Variants in CFDP1 observed in about 807,000 individuals in gnomAD.
CFDP1 encodes chromatin remodeling protein CFDP1, also known as heterochromatin-stabilizing protein CFDP1.
A neutral mutation model predicts 40.1 loss-of-function variants in CFDP1; 31 were observed. The ratio of observed to expected loss-of-function variants is 0.77; its 90% CI spans 0.58 to 1.04. CFDP1 has a LOEUF of 1.04. Ranked by LOEUF, CFDP1 falls within the 50% of genes least tolerant of loss-of-function variation. The pLI, the probability that CFDP1 is intolerant of heterozygous loss-of-function variation, is 0.00. For synonymous variants in CFDP1, 167 were observed against 120.0 expected (o/e 1.39, Z -2.56); for missense variants, 423 against 343.4 (o/e 1.23, Z -1.83).
intron 5 of CFDP1, among the ~76,000 whole-genome samples, chr16:75,316,282 GTATAA>G: frequency 6.6e-6 from 1 of 152,264 alleles, no homozygotes; most frequent in South Asian, 2.1e-4. Context: ...TGTAATTCAT[GTATAA>G]TATGTGAGAT....
At chr16:75,382,096 C>A (rs1376170585) in intron 5 of CFDP1, among the ~76,000 whole-genome samples, 1 of 144,576 alleles carries the variant, frequency 6.9e-6, no homozygotes, top group African/African-American at 2.6e-5. Flanking sequence ...GCCTGGGCAA[C>A]AGGAGTGAAA....
intron 5 of CFDP1, among the ~76,000 whole-genome samples, chr16:75,366,108 A>G (rs1445002610): frequency 6.6e-6 from 1 of 152,276 alleles, no homozygotes; most frequent in Non-Finnish European, 1.5e-5. Context: ...TTATTTAAAA[A>G]GCCAAAAAGT....
intron 5 of CFDP1, among the ~76,000 whole-genome samples, chr16:75,374,172 G>C (rs2078774271): frequency 6.6e-6 from 1 of 152,020 alleles, no homozygotes; most frequent in Non-Finnish European, 1.5e-5. Flanking sequence ...AGAATCACTT[G>C]AACCCTGGAG....
At chr16:75,429,578 G>A (rs778559082) in intron 1 of CFDP1, among the ~76,000 whole-genome samples, 1 of 152,176 alleles carries the variant, frequency 6.6e-6, no homozygotes, top group Admixed American at 6.5e-5. Flanking sequence ...GCTCAAACCC[G>A]GGAGGTGGAG....
chr16:75,373,811 AATTGTAATAAGC>A, intron 5 of CFDP1, among the ~76,000 whole-genome samples: 1 of 152,282 alleles, frequency 6.6e-6, no homozygotes. Flanking sequence ...TACTAATCCT[AATTGTAATAAGC>A]ATTTCCATTT....
At position 75,411,906 on chromosome 16, in the gene CFDP1, T is replaced by C. The variant is rs1238846091; in HGVS notation, c.449A>G (p.Lys150Arg). ...TTTAGGTTTCTCTAGCTCTTCTGCT[T>C]TTACCAACAATTTACTTGAACTTGT... ...EETSSSKLLV[K>R]AEELEKPKET... The change falls in exon 4 of 7, where the codon AAA becomes AGA. Residue 150 changes from lysine (K) to arginine (R), a missense_variant. Physicochemically the swap from Lys to Arg is conservative, Grantham distance 26 (BLOSUM62 2). Coordinates refer to ENST00000283882, the MANE Select transcript of CFDP1 (RefSeq NM_006324.3). The C allele has an allele frequency of 6.2e-7, 1 of 1,611,976 alleles. No individual in the cohort carries two copies. The highest frequency in any genetic ancestry group is 1.7e-5 in the Admixed American group (1 of 59,724).
At chr16:75,372,322 A>T (rs2078758461) in intron 5 of CFDP1, 1 of 152,210 alleles carries the variant, frequency 6.6e-6, no homozygotes, top group Non-Finnish European at 1.5e-5. Flanking sequence ...TATGGTTTTC[A>T]TATCTGTTCA....
intron 5 of CFDP1, among the ~76,000 whole-genome samples, chr16:75,366,426 C>T (rs1471526163): frequency 1.3e-5 from 2 of 152,092 alleles, no homozygotes; most frequent in African/African-American, 4.8e-5. Flanking sequence ...AGCTCAGTAT[C>T]AGCCTGGCCA....
intron 6 of CFDP1, among the ~76,000 whole-genome samples, chr16:75,297,248 GGCCTCAAGTAATCTGCCC>G (rs1216972900): frequency 1.3e-5 from 2 of 150,836 alleles, no homozygotes; most frequent in Non-Finnish European, 2.9e-5. Flanking sequence ...TTGAACTCCT[GGCCTCAAGTAATCTGCCC>G]GCCTCAGCCT....
intron 1 of CFDP1, among the ~76,000 whole-genome samples, chr16:75,417,303 A>C (rs1200778111): frequency 6.6e-6 from 1 of 152,258 alleles, no homozygotes; most frequent in East Asian, 1.9e-4. Flanking sequence ...GTAATAACAA[A>C]AAATTAGAAA....
At chr16:75,412,466 T>G in intron 3 of CFDP1, 69 bp downstream of exon 3, 3 of 1,227,274 alleles carry the variant, frequency 2.4e-6, no homozygotes, top group Non-Finnish European at 3.6e-6. Flanking sequence ...TCGATTTCCG[T>G]AGGCTTCAAA....
chr16:75,326,307 G>A (rs1187871206), intron 5 of CFDP1, among the ~76,000 whole-genome samples: 3 of 152,312 alleles, frequency 2.0e-5, no homozygotes, highest in African/African-American at 2.4e-5. Flanking sequence ...TATGAGCCAG[G>A]AGCAACGCCT....
At chr16:75,400,961 C>G (rs540620602) in intron 4 of CFDP1, among the ~76,000 whole-genome samples, 2 of 152,236 alleles carry the variant, frequency 1.3e-5, no homozygotes, top group East Asian at 3.9e-4. Flanking sequence ...GAAGGATAGG[C>G]TTCCATAAAA....
At chr16:75,304,971 T>G in intron 6 of CFDP1, 53 bp downstream of exon 6, 1 of 1,567,232 alleles carries the variant, frequency 6.4e-7, no homozygotes, top group Non-Finnish European at 8.7e-7. Flanking sequence ...AATAAATCAT[T>G]TGATTTCAGG....
chr16:75,350,309 A>T (rs1490643512), intron 5 of CFDP1, among the ~76,000 whole-genome samples: 1 of 152,152 alleles, frequency 6.6e-6, no homozygotes, highest in African/African-American at 2.4e-5. Flanking sequence ...GAATCTGCCA[A>T]ACTCTTTTCC....
intron 1 of CFDP1, among the ~76,000 whole-genome samples, chr16:75,417,144 C>G (rs990160804): frequency 3.9e-5 from 6 of 152,100 alleles, no homozygotes; most frequent in Non-Finnish European, 7.4e-5. Context: ...GCATTCCAGC[C>G]TGGGTGACAG....
At chr16:75,336,270 A>G (rs1444024043) in intron 5 of CFDP1, among the ~76,000 whole-genome samples, 3 of 152,202 alleles carry the variant, frequency 2.0e-5, no homozygotes, top group Admixed American at 2.0e-4. Context: ...TAGGTAGCAC[A>G]GGAGCCTGTG....
chr16:75,352,600 G>A (rs567613573), intron 5 of CFDP1, among the ~76,000 whole-genome samples: 2 of 151,998 alleles, frequency 1.3e-5, no homozygotes. Context: ...TTACAGGGAC[G>A]TTTATGTCTT....
chr16:75,325,149 T>G (rs962076044), intron 5 of CFDP1: 1 of 152,450 alleles, frequency 6.6e-6, no homozygotes, highest in Non-Finnish European at 1.5e-5. Context: ...CAGCCCAGAC[T>G]CTAACTCCAG....
Sources: allele counts gnomAD v4.1 joint callset (sites outside exome capture counted in the v4.1 genomes callset), GRCh38; gene constraint gnomAD v4.1.1; transcripts MANE v1.5; gene names NCBI Gene and HGNC (gene_info 2026-07-23, HGNC 2026-07-21).